Variants in BMPER observed in about 807,000 individuals in gnomAD.
The protein encoded by BMPER is BMP binding endothelial regulator, also known as BMP-binding endothelial regulator protein.
A neutral mutation model predicts 87.3 loss-of-function variants in BMPER; 45 were observed. The ratio of observed to expected loss-of-function variants is 0.52; its 90% CI spans 0.41 to 0.66. The LOEUF is 0.66. Among genes scored for constraint, BMPER ranks in the 30% least tolerant of loss-of-function variants. The pLI, the probability that BMPER is intolerant of heterozygous loss-of-function variation, is 0.00. For synonymous variants in BMPER, 326 were observed against 316.2 expected (o/e 1.03, Z -0.33); for missense variants, 784 against 867.5 (o/e 0.90, Z 1.21).
chr7:34,011,576 G>T (rs1786875756), intron 6 of BMPER, among the ~76,000 whole-genome samples: 1 of 110,360 alleles, frequency 9.1e-6, no homozygotes, highest in Non-Finnish European at 1.7e-5. Context: ...CTTTCAGTTG[G>T]TCAGGGCAAA....
intron 6 of BMPER, among the ~76,000 whole-genome samples, chr7:34,029,992 T>G (rs1787479778): frequency 6.6e-6 from 1 of 152,132 alleles, no homozygotes; most frequent in South Asian, 2.1e-4. Context: ...CCTAGAATTC[T>G]TTTCTTTTTT....
intron 6 of BMPER, among the ~76,000 whole-genome samples, chr7:34,005,225 G>T (rs1315014468): frequency 6.6e-6 from 1 of 151,988 alleles, no homozygotes; most frequent in Non-Finnish European, 1.5e-5. Context: ...TCTTTCTCTA[G>T]TGGCTTCTAG....
rs145067547 is a variant in BMPER at position 34,079,019 on chromosome 7, C to A, written c.1241C>A (p.Ser414Tyr). 1 of 1,614,228 alleles carries A rather than the reference C, an allele frequency of 6.2e-7. No homozygotes were observed. Among genetic ancestry groups the A allele is most frequent in the Non-Finnish European group, 8.5e-7 (1 of 1,180,038 alleles). ...AAGAACGACGCCCGCCGGACACGCT[C>A]CTTCTCGTGGACCAAGTCGGTGGAG... ...LVKNDARRTR[S>Y]FSWTKSVELV... The change falls in exon 12 of 15, where the codon TCC (serine) becomes TAC (tyrosine). Residue 414 changes from serine (S) to tyrosine (Y), a missense_variant. By Grantham distance (144) the Ser-to-Tyr change is moderately radical. Transcript: ENST00000649409.
In BMPER at chr7:33,945,990, G is replaced by C. The variant is rs532970999; in HGVS notation, c.319+8602G>C. Among the ~76,000 whole-genome samples, 4 of 152,248 alleles carry C rather than the reference G, an allele frequency of 2.6e-5. No homozygotes were observed. In the East Asian group the frequency reaches 7.8e-4, roughly 30 times the overall value. On this transcript the variant is annotated intron_variant, in intron 3 of 14. Transcript: ENST00000649409. ...GGGAAGGCATGCCTGAGTGCAGGGG[G>C]AAGGTGTTTTAGTCCTTTCCCACAT...
Position 34,025,695 on chromosome 7 carries a change from C to G in BMPER, c.577-20611C>G, listed in dbSNP as rs145229717. Among the ~76,000 whole-genome samples, 9 of 152,020 alleles carry G rather than the reference C, an allele frequency of 5.9e-5. No individual in the cohort carries two copies. In the East Asian group the frequency reaches 1.6e-3, roughly 26 times the overall value. ...TGAGCCAGTGTGGGTGAGAAGAGAT[C>G]GGGAGACTCAATTAGCACTTAGTAC... On this transcript the variant is annotated intron_variant, in intron 6 of 14. Coordinates refer to ENST00000649409, the MANE Select transcript of BMPER (RefSeq NM_001365308.1).
In BMPER at chr7:34,072,286, G is replaced by A. The variant is rs528963739; in HGVS notation, c.1079-6571G>A. Among the ~76,000 whole-genome samples, 21 of 152,228 alleles carry A rather than the reference G, an allele frequency of 1.4e-4. 1 individual carries two copies. In the South Asian group the frequency reaches 4.4e-3, roughly 32 times the overall value. On this transcript the variant is annotated intron_variant, in intron 11 of 14. Transcript: ENST00000649409. ...AGTGTACTAGTTACCTATGGCTGCA[G>A]ATGACAAATTACCACTCACTGGCTT...
intron 6 of BMPER, among the ~76,000 whole-genome samples, chr7:33,989,763 T>G (rs1346053241): frequency 6.6e-6 from 1 of 152,196 alleles, no homozygotes; most frequent in Non-Finnish European, 1.5e-5. Flanking sequence ...AACGTTTAAG[T>G]CTTTAATCCA....
intron 12 of BMPER, among the ~76,000 whole-genome samples, chr7:34,081,311 T>C (rs1789040699): frequency 6.6e-6 from 1 of 152,234 alleles, no homozygotes; most frequent in East Asian, 1.9e-4. Flanking sequence ...TTCCATAGAT[T>C]TAAAAAAAAA....
chr7:34,079,944 G>C (rs992759416), intron 12 of BMPER, among the ~76,000 whole-genome samples: 1 of 152,152 alleles, frequency 6.6e-6, no homozygotes, highest in Non-Finnish European at 1.5e-5. Flanking sequence ...CCTAAGAAAG[G>C]CATTTTAGAA....
intron 6 of BMPER, among the ~76,000 whole-genome samples, chr7:33,976,320 T>C (rs1029508566): frequency 2.0e-5 from 3 of 151,814 alleles, no homozygotes; most frequent in African/African-American, 4.8e-5. Context: ...GCCTGGCTAA[T>C]TTTTGTATTT....
At chr7:34,061,965 T>TTTTTTA (rs1554312510) in intron 10 of BMPER, 37 bp from the exon 11 acceptor site, 8 of 1,519,728 alleles carry the variant, frequency 5.3e-6, no homozygotes, top group Non-Finnish European at 7.2e-6. Context: ...TTTTTTTTTT[T>TTTTTTA]AAACAGTAAC....
At chr7:33,909,679 A>AC (rs1783907792) in intron 2 of BMPER, among the ~76,000 whole-genome samples, 1 of 109,308 alleles carries the variant, frequency 9.1e-6, no homozygotes, top group Non-Finnish European at 1.9e-5. Flanking sequence ...CATAACATGT[A>AC]CAAAAAAAAA....
chr7:34,133,560 T>TG (rs769357746), intron 13 of BMPER, among the ~76,000 whole-genome samples: 2 of 152,146 alleles, frequency 1.3e-5, no homozygotes, highest in Non-Finnish European at 2.9e-5. Context: ...CTGAGTCCTG[T>TG]GAGTCACTCC....
At chr7:33,986,544 T>C (rs1786015903) in intron 6 of BMPER, among the ~76,000 whole-genome samples, 1 of 152,196 alleles carries the variant, frequency 6.6e-6, no homozygotes. Context: ...AAAATATTCA[T>C]GGTTTTAATG....
chr7:33,940,003 G>C, intron 3 of BMPER: 1 of 274,268 alleles, frequency 3.6e-6, no homozygotes, highest in African/African-American at 2.2e-5. Context: ...CTTAAATACT[G>C]GAGACTCCCA....
At chr7:34,123,783 A>C (rs774873850) in intron 13 of BMPER, among the ~76,000 whole-genome samples, 4 of 152,184 alleles carry the variant, frequency 2.6e-5, no homozygotes, top group Non-Finnish European at 5.9e-5. Flanking sequence ...GCTGTTCTTT[A>C]ATTTGAAAGC....
In BMPER at chr7:33,905,715, C is replaced by A; in HGVS notation, c.102C>A (p.Val34=). 6.2e-7 allele frequency: 1 copy of A among 1,613,314 alleles called. No homozygotes were observed. The highest frequency in any genetic ancestry group is 8.5e-7 in the Non-Finnish European group (1 of 1,179,910). The change falls in exon 1 of 15, where the codon GTC becomes GTA. Residue 34 remains valine (V), a synonymous_variant. Coordinates refer to ENST00000649409, the MANE Select transcript of BMPER (RefSeq NM_001365308.1). ...TGCTGCTACTCAATTGCTCGGGGGT[C>A]CCCATGTCTCTGGCTTCCTCCTTCT... ...CVLLLLNCSG[V]PMSLASSFLT...
rs867034148 is a variant in BMPER at position 33,992,175 on chromosome 7, T to C, written c.576+17391T>C. ...GAGTTCAATTCCTGGGTATCCTTGT[T>C]GACTTTCTGTCTCGTTGATCTGTCT... On this transcript the variant is annotated intron_variant, in intron 6 of 14. Coordinates refer to ENST00000649409, the MANE Select transcript of BMPER (RefSeq NM_001365308.1). Among the ~76,000 whole-genome samples the C allele has an allele frequency of 2.9e-4, 43 of 147,690 alleles. No individual in the cohort carries two copies. In the South Asian group the frequency reaches 9.3e-3, roughly 32 times the overall value.
At chr7:34,095,376 A>G (rs1376086906) in intron 13 of BMPER, among the ~76,000 whole-genome samples, 1 of 152,160 alleles carries the variant, frequency 6.6e-6, no homozygotes, top group Non-Finnish European at 1.5e-5. Context: ...ATTTTATGTG[A>G]TAATTCAAAG....
Sources: allele counts gnomAD v4.1 joint callset (sites outside exome capture counted in the v4.1 genomes callset), GRCh38; gene constraint gnomAD v4.1.1; transcripts MANE v1.5; gene names NCBI Gene and HGNC (gene_info 2026-07-23, HGNC 2026-07-21).